Variants in ARHGAP24 observed in about 807,000 individuals in gnomAD.
ARHGAP24 encodes the protein Rho GTPase activating protein 24, also known as rho GTPase-activating protein 24.
A neutral mutation model predicts 76.4 loss-of-function variants in ARHGAP24; 50 were observed. The ratio of observed to expected loss-of-function variants is 0.65; its 90% CI spans 0.52 to 0.83. The LOEUF is 0.83. Among genes scored for constraint, ARHGAP24 ranks in the 40% least tolerant of loss-of-function variants. ARHGAP24 has a pLI of 0.00. For synonymous variants in ARHGAP24, 345 were observed against 323.3 expected (o/e 1.07, Z -0.72); for missense variants, 930 against 914.2 (o/e 1.02, Z -0.22).
In ARHGAP24 at chr4:85,848,374, C is replaced by T. The variant is rs187997275; in HGVS notation, c.269-75274C>T. On this transcript the variant is annotated intron_variant, in intron 3 of 9. Coordinates refer to ENST00000395184, the MANE Select transcript of ARHGAP24 (RefSeq NM_001025616.3). ...ACAGGCCCTGGTGTGTGATGTTCCCCGCCCTGTGTCCAAGTGTTCTCATTG... is the reference window on the plus strand; with the variant it reads ...ACAGGCCCTGGTGTGTGATGTTCCCTGCCCTGTGTCCAAGTGTTCTCATTG... Among the ~76,000 whole-genome samples the T allele has an allele frequency of 5.0e-3, 763 of 152,230 alleles. 22 individuals carry two copies. The highest frequency in any genetic ancestry group is 0.045 in the Admixed American group (682 of 15,282).
At chr4:85,629,635 C>T (rs146618071) in intron 2 of ARHGAP24, among the ~76,000 whole-genome samples, 1 of 152,220 alleles carries the variant, frequency 6.6e-6, no homozygotes, top group African/African-American at 2.4e-5. Flanking sequence ...TCTTGGTCAG[C>T]AGTTTTTTTT....
chr4:85,880,374 C>T (rs1733176479), intron 3 of ARHGAP24, among the ~76,000 whole-genome samples: 1 of 152,182 alleles, frequency 6.6e-6, no homozygotes, highest in South Asian at 2.1e-4. Context: ...CCCTTACTTG[C>T]AGTAAGCATC....
rs1720398197 is a variant in ARHGAP24 at position 85,612,019 on chromosome 4, A to G, written c.180+41298A>G. On this transcript the variant is annotated intron_variant, in intron 2 of 9. Transcript: ENST00000395184. ...ATAACTGGTGCAAATAATTAGGGTAATATTTCTTCTTTGGTGGCTAGTCAG... is the reference window on the plus strand; with the variant it reads ...ATAACTGGTGCAAATAATTAGGGTAGTATTTCTTCTTTGGTGGCTAGTCAG... Among the ~76,000 whole-genome samples, 3 of 151,388 alleles carry G rather than the reference A, an allele frequency of 2.0e-5. No individual in the cohort carries two copies. The South Asian group carries it at 6.3e-4, about 32-fold the overall frequency.
chr4:85,605,413 C>T (rs1720161013), intron 2 of ARHGAP24, among the ~76,000 whole-genome samples: 1 of 152,062 alleles, frequency 6.6e-6, no homozygotes. Context: ...TGGATTTATT[C>T]TAAGGAAATA....
intron 3 of ARHGAP24, among the ~76,000 whole-genome samples, chr4:85,774,116 A>G (rs1356433003): frequency 8.5e-5 from 13 of 152,238 alleles, no homozygotes; most frequent in Non-Finnish European, 1.3e-4. Context: ...CCCTCTCCCT[A>G]TCTTGCTGTC....
chr4:85,834,383 T>A (rs1416753267), intron 3 of ARHGAP24, among the ~76,000 whole-genome samples: 1 of 152,136 alleles, frequency 6.6e-6, no homozygotes, highest in Non-Finnish European at 1.5e-5. Context: ...AATAGAGAAT[T>A]GCATAAAAGA....
At chr4:85,835,425 T>A (rs1020098772) in intron 3 of ARHGAP24, among the ~76,000 whole-genome samples, 1 of 151,026 alleles carries the variant, frequency 6.6e-6, no homozygotes, top group African/African-American at 2.4e-5. Flanking sequence ...CCAGGCGTGG[T>A]GGCGGGCGTC....
intron 2 of ARHGAP24, among the ~76,000 whole-genome samples, chr4:85,643,749 C>G (rs556105152): frequency 6.6e-6 from 1 of 152,080 alleles, no homozygotes; most frequent in African/African-American, 2.4e-5. Context: ...AAAAGAGTAT[C>G]TTTTGATATT....
At chr4:85,934,628 G>T (rs1578405397) in intron 4 of ARHGAP24, among the ~76,000 whole-genome samples, 1 of 151,986 alleles carries the variant, frequency 6.6e-6, no homozygotes, top group African/African-American at 2.4e-5. Context: ...GATTCTCCTA[G>T]CTCAGCCTCC....
At chr4:85,477,930 C>T (rs1476178500) in intron 1 of ARHGAP24, among the ~76,000 whole-genome samples, 1 of 152,188 alleles carries the variant, frequency 6.6e-6, no homozygotes, top group Non-Finnish European at 1.5e-5. Context: ...TTCTGACCAG[C>T]AGTGAAGGGT....
At chr4:85,979,490 C>T (rs1189043947) in intron 8 of ARHGAP24, among the ~76,000 whole-genome samples, 1 of 152,078 alleles carries the variant, frequency 6.6e-6, no homozygotes, top group African/African-American at 2.4e-5. Context: ...ACTCCCCTTT[C>T]CCTCTCCCCC....
chr4:85,896,298 G>T (rs184056138), intron 3 of ARHGAP24, among the ~76,000 whole-genome samples: 151 of 152,200 alleles, frequency 9.9e-4, no homozygotes, highest in Admixed American at 2.7e-3. Flanking sequence ...TTTTTAAGTA[G>T]TTCTGTATTA....
intron 3 of ARHGAP24, among the ~76,000 whole-genome samples, chr4:85,725,722 T>A (rs1238380745): frequency 6.6e-6 from 1 of 152,224 alleles, no homozygotes; most frequent in African/African-American, 2.4e-5. Context: ...ATAGTCCTGT[T>A]GGATGGGATA....
intron 2 of ARHGAP24, among the ~76,000 whole-genome samples, chr4:85,706,493 A>C (rs1178376906): frequency 6.6e-6 from 1 of 152,068 alleles, no homozygotes; most frequent in African/African-American, 2.4e-5. Context: ...ATCTAGTGAA[A>C]CAGATTTCCA....
intron 2 of ARHGAP24, among the ~76,000 whole-genome samples, chr4:85,605,194 T>C (rs1345301168): frequency 6.6e-6 from 1 of 152,214 alleles, no homozygotes; most frequent in African/African-American, 2.4e-5. Flanking sequence ...CACATTATTT[T>C]TGTCATAAAA....
intron 3 of ARHGAP24, among the ~76,000 whole-genome samples, chr4:85,839,843 CTT>C (rs33974767): frequency 0.4 from 42,901 of 107,018 alleles, 6,677 homozygotes; most frequent in Middle Eastern, 0.54. Flanking sequence ...TTTCTGTTTT[CTT>C]TTTTTTTTTT....
chr4:85,641,610 A>G (rs1462485597), intron 2 of ARHGAP24, among the ~76,000 whole-genome samples: 1 of 152,100 alleles, frequency 6.6e-6, no homozygotes, highest in Non-Finnish European at 1.5e-5. Context: ...TACCTTAACC[A>G]CCTTGCAATA....
At chr4:85,772,910 C>T (rs982650321) in intron 3 of ARHGAP24, among the ~76,000 whole-genome samples, 1 of 148,120 alleles carries the variant, frequency 6.8e-6, no homozygotes, top group East Asian at 2.7e-4. Context: ...CTCAAAGAGA[C>T]AGGCAGTTTA....
chr4:85,779,113 A>G (rs907993736), intron 3 of ARHGAP24: 2 of 561,448 alleles, frequency 3.6e-6, no homozygotes, highest in African/African-American at 4.1e-5. Context: ...TAACTGTATT[A>G]TTTTCTGGCT....
Sources: gnomAD v4.1 joint callset for allele counts (sites outside exome capture counted in the v4.1 genomes callset) on GRCh38, gnomAD v4.1.1 for gene constraint, MANE v1.5 for transcripts, NCBI Gene and HGNC (gene_info 2026-07-23, HGNC 2026-07-21) for gene names.